The following RASA2 variants were observed in gnomAD, a reference collection of about 807,000 sequenced individuals.
RASA2 encodes ras GTPase-activating protein 2.
A neutral mutation model predicts 118.2 loss-of-function variants in RASA2; 155 were observed. That is an observed-to-expected ratio of 1.31 (90% CI 1.15 to 1.50). The LOEUF (loss-of-function observed/expected upper bound fraction) is 1.50, where lower values mean the gene tolerates loss of function less well. RASA2 is among the 40% of genes most tolerant of loss of function. The pLI is 0.00. For synonymous variants in RASA2, 353 were observed against 349.1 expected (o/e 1.01, Z -0.12); for missense variants, 1,016 against 1,009.6 (o/e 1.01, Z -0.09).
chr3:141,559,428 G>A (rs917619724), intron 8 of RASA2, among the ~76,000 whole-genome samples: 12 of 152,160 alleles, frequency 7.9e-5, no homozygotes, highest in Middle Eastern at 3.4e-3. Flanking sequence ...TGCCCTTTGC[G>A]AAGGAAAAAT....
intron 1 of RASA2, among the ~76,000 whole-genome samples, chr3:141,508,231 CA>C (rs1559995298): frequency 6.6e-6 from 1 of 151,650 alleles, no homozygotes; most frequent in Non-Finnish European, 1.5e-5. Context: ...ATAAAAAGAC[CA>C]AAAGAGGGAG....
intron 3 of RASA2, among the ~76,000 whole-genome samples, chr3:141,524,483 C>G (rs2082157489): frequency 6.6e-6 from 1 of 152,140 alleles, no homozygotes; most frequent in Non-Finnish European, 1.5e-5. Context: ...CTTCGAAGTG[C>G]TGCCATTGTC....
intron 1 of RASA2, among the ~76,000 whole-genome samples, chr3:141,490,914 T>C (rs1441582144): frequency 6.6e-6 from 1 of 152,178 alleles, no homozygotes; most frequent in Non-Finnish European, 1.5e-5. Flanking sequence ...CCCCTCCTCA[T>C]CTCTGCCTGC....
chr3:141,568,530 C>T (rs1019463682), intron 9 of RASA2, among the ~76,000 whole-genome samples: 3 of 151,654 alleles, frequency 2.0e-5, no homozygotes, highest in African/African-American at 4.8e-5. Flanking sequence ...ATAAAGAAAA[C>T]GTTCCTTAAA....
chr3:141,518,211 G>T (rs1272757587), intron 3 of RASA2, among the ~76,000 whole-genome samples: 5 of 151,558 alleles, frequency 3.3e-5, no homozygotes, highest in Non-Finnish European at 5.9e-5. Flanking sequence ...ATTTGGCCAG[G>T]TGCAGTGGCT....
At chr3:141,578,278 G>T (rs1440830268) in intron 15 of RASA2, among the ~76,000 whole-genome samples, 1 of 152,166 alleles carries the variant, frequency 6.6e-6, no homozygotes, top group Non-Finnish European at 1.5e-5. Flanking sequence ...AATTCAGTCA[G>T]TCTTTATCAT....
chr3:141,542,887 T>C (rs2082426270), intron 5 of RASA2, among the ~76,000 whole-genome samples: 1 of 152,200 alleles, frequency 6.6e-6, no homozygotes, highest in Non-Finnish European at 1.5e-5. Context: ...ATATGTGACC[T>C]TTTGAGATTG....
At chr3:141,520,640 ACATACACATATATATATG>A (rs1421849448) in intron 3 of RASA2, among the ~76,000 whole-genome samples, 2 of 119,254 alleles carry the variant, frequency 1.7e-5, no homozygotes, top group Non-Finnish European at 3.5e-5. Context: ...ATATATAGTT[ACATACACATATATATATG>A]CACACACATA....
intron 1 of RASA2, among the ~76,000 whole-genome samples, chr3:141,503,861 T>C (rs2081822886): frequency 6.6e-6 from 1 of 152,216 alleles, no homozygotes; most frequent in Admixed American, 6.5e-5. Flanking sequence ...ATTAATACAA[T>C]AAAGATTCTT....
chr3:141,585,302 T>TA (rs763913885), intron 17 of RASA2, among the ~76,000 whole-genome samples: 2 of 152,188 alleles, frequency 1.3e-5, no homozygotes, highest in African/African-American at 2.4e-5. Flanking sequence ...TATGAATACT[T>TA]ACAGTAAGTA....
intron 3 of RASA2, among the ~76,000 whole-genome samples, chr3:141,526,881 T>G (rs2082192891): frequency 6.6e-6 from 1 of 152,222 alleles, no homozygotes; most frequent in African/African-American, 2.4e-5. Flanking sequence ...ATACTCATGA[T>G]GCAGAATAGG....
At chr3:141,599,358 C>T (rs2083427733) in intron 19 of RASA2, among the ~76,000 whole-genome samples, 1 of 149,886 alleles carries the variant, frequency 6.7e-6, no homozygotes, top group African/African-American at 2.5e-5. Flanking sequence ...TGATTAGCAA[C>T]ACACAATAGT....
chr3:141,586,054 TAAA>T lies in RASA2; in HGVS notation c.1783_1785del (p.Lys595del). 6.2e-7 allele frequency: 1 copy of T among 1,611,274 alleles called. No individual in the cohort carries two copies. The highest frequency in any genetic ancestry group is 8.5e-7 in the Non-Finnish European group (1 of 1,177,722). ...TGGATGAAATTTCATCTACTGAAAC[TAAA>T]GAGTCCAGTGGTACGAGTGAGCCTG... is the stretch of plus-strand genomic sequence containing the variant. On this transcript the variant is annotated inframe_deletion, in exon 18 of 24. Coordinates refer to ENST00000286364, the MANE Select transcript of RASA2 (RefSeq NM_006506.5).
chr3:141,571,431 T>C lies in RASA2; in HGVS notation c.1046T>C (p.Ile349Thr). Residue 349 changes from isoleucine (I) to threonine (T), a missense_variant, in exon 11 of 24, where the codon ATT becomes ACT. Physicochemically the swap from Ile to Thr is moderately conservative, Grantham distance 89. Coordinates refer to ENST00000286364, the MANE Select transcript of RASA2 (RefSeq NM_006506.5). ...VQPISASAAY[I>T]LSEICRDKND... is the part of the protein sequence containing the mutation. ...CCAATATCTGCCTCAGCTGCTTACA[T>C]TTTGAGTGAAATATGTCGAGATAAA... The C allele has an allele frequency of 6.2e-7, 1 of 1,613,744 alleles. No individual in the cohort carries two copies. Among genetic ancestry groups the C allele is most frequent in the Non-Finnish European group, 8.5e-7 (1 of 1,179,846 alleles).
chr3:141,546,460 A>C (rs1024808527), intron 5 of RASA2, among the ~76,000 whole-genome samples: 1 of 152,226 alleles, frequency 6.6e-6, no homozygotes, highest in African/African-American at 2.4e-5. Flanking sequence ...GCACCTTTTC[A>C]TAAATTTGTT....
chr3:141,536,959 C>T (rs780933195), intron 4 of RASA2, among the ~76,000 whole-genome samples: 1 of 152,042 alleles, frequency 6.6e-6, no homozygotes, highest in Non-Finnish European at 1.5e-5. Flanking sequence ...GTTGGTCAGG[C>T]TGGTCTCAAA....
At chr3:141,525,310 G>C (rs376195916) in intron 3 of RASA2, 2 of 151,284 alleles carry the variant, frequency 1.3e-5, no homozygotes, top group South Asian at 4.2e-4. Context: ...TTTGTTTCTT[G>C]TTGACTTTTT....
At chr3:141,512,354 A>G (rs2081964739) in intron 2 of RASA2, 74 bp downstream of exon 2, 2 of 1,066,678 alleles carry the variant, frequency 1.9e-6, no homozygotes, top group Non-Finnish European at 2.7e-6. Context: ...TCCAGATTAT[A>G]ATAATCAAGA....
intron 20 of RASA2, among the ~76,000 whole-genome samples, chr3:141,607,997 T>C (rs1010872172): frequency 6.6e-6 from 1 of 152,184 alleles, no homozygotes; most frequent in South Asian, 2.1e-4. Context: ...CTCATATAGC[T>C]TGCCTAGTTT....
Sources: gnomAD v4.1 joint callset for allele counts (sites outside exome capture counted in the v4.1 genomes callset) on GRCh38, gnomAD v4.1.1 for gene constraint, MANE v1.5 for transcripts, NCBI Gene and HGNC (gene_info 2026-07-23, HGNC 2026-07-21) for gene names.